Variants in ERCC3 observed in about 807,000 individuals in gnomAD.
ERCC3 encodes the protein general transcription and DNA repair factor IIH helicase/translocase subunit XPB.
Under a neutral mutation model 94.2 loss-of-function variants are expected in ERCC3, and 66 were observed. The ratio of observed to expected loss-of-function variants is 0.70; its 90% confidence interval spans 0.57 to 0.86. The LOEUF (loss-of-function observed/expected upper bound fraction) is 0.86. Ranked by LOEUF, ERCC3 falls within the 40% of genes least tolerant of loss-of-function variation. The pLI, the probability that ERCC3 is intolerant of heterozygous loss-of-function variation, is 0.00. For synonymous variants in ERCC3, 349 were observed against 369.1 expected (o/e 0.95, Z 0.63); for missense variants, 829 against 987.1 (o/e 0.84, Z 2.15).
rs775263112 is a variant in ERCC3, at chr2:127,290,227, T to C, written c.518A>G (p.Asn173Ser). 2.7e-5 allele frequency: 43 copies of C among 1,613,566 alleles called. No individual in the cohort carries two copies. The highest frequency in any genetic ancestry group is 2.2e-5 in the East Asian group (1 of 44,890). ...GGCCTGTCATGGAATCTCTTACCTG[T>C]TGTGCTTCAAGACCAGCTTGACTTT... ...YGKVKLVLKH[N>S]RYFVESCHPD... Residue 173 changes from asparagine (N) to serine (S), a missense_variant, in exon 4 of 15, where the codon AAC becomes AGC. Asn to Ser is a conservative substitution (Grantham distance 46). Coordinates refer to ENST00000285398, the MANE Select transcript of ERCC3 (RefSeq NM_000122.2).
intron 8 of ERCC3, 57 bp downstream of exon 8, chr2:127,286,646 A>G: frequency 1.3e-6 from 2 of 1,554,498 alleles, no homozygotes; most frequent in Non-Finnish European, 1.8e-6. Flanking sequence ...CCAACCTAAC[A>G]ACTGGAAATT....
chr2:127,284,680 C>T lies in ERCC3; in HGVS notation c.1342+2023G>A, dbSNP rs1685011202. On this transcript the variant is annotated intron_variant, in intron 8 of 14. Transcript: ENST00000285398. The surrounding 1 kb of genome is among the most constrained non-coding windows in gnomAD (Gnocchi z 4.1). Reference sequence around the variant, plus strand: ...ACTCCTTAATTTACCCTAATCTGTTCATCTTTATTTTTTTTTTTTGAGACA... The same window carrying T: ...ACTCCTTAATTTACCCTAATCTGTTTATCTTTATTTTTTTTTTTTGAGACA... 6.6e-6 allele frequency among the ~76,000 whole-genome samples: 1 copy of T among 150,640 alleles called. No individual in the cohort carries two copies. Among genetic ancestry groups the T allele is most frequent in the Non-Finnish European group, 1.5e-5 (1 of 67,882 alleles).
intron 10 of ERCC3, among the ~76,000 whole-genome samples, chr2:127,278,117 A>G (rs575040892): frequency 2.6e-5 from 4 of 152,074 alleles, no homozygotes; most frequent in Non-Finnish European, 5.9e-5. Flanking sequence ...GCGTGCCTGT[A>G]GACCCAGCTA....
intron 6 of ERCC3, among the ~76,000 whole-genome samples, 181 bp from the exon 7 acceptor site, chr2:127,289,045 T>C (rs1373706559): frequency 6.6e-6 from 1 of 152,092 alleles, no homozygotes; most frequent in East Asian, 1.9e-4. Context: ...TAACAACACT[T>C]TGAAAATGAA....
Position 127,291,413 on chromosome 2 carries a change from C to A in ERCC3, c.472-1140G>T, listed in dbSNP as rs1363345582. 6.6e-6 allele frequency among the ~76,000 whole-genome samples: 1 copy of A among 152,144 alleles called. No homozygotes were observed. Among genetic ancestry groups the A allele is most frequent in the African/African-American group, 2.4e-5 (1 of 41,440 alleles). On this transcript the variant is annotated intron_variant, in intron 3 of 14. Coordinates refer to ENST00000285398, the MANE Select transcript of ERCC3 (RefSeq NM_000122.2). The surrounding 1 kb of genome is among the most constrained non-coding windows in gnomAD (Gnocchi z 4.9). The stretch of plus-strand genomic sequence containing the variant: ...TAGCTGGGATTACAGGCACCCACCA[C>A]CATGCCTGGCGAATTTTTGTATTTT...
chr2:127,257,500 GA>G lies in ERCC3; in HGVS notation c.*95del. On this transcript the variant is annotated 3_prime_UTR_variant, in exon 15 of 15. Transcript: ENST00000285398. This position sits in a 1 kb window ranked among gnomAD's most constrained non-coding sequence, Gnocchi z 5.4. ...AGCACAATTTGGCCAACGCTGGAGGGAAGGTCAAAGAGGTGGAAGGAAAATG... is the reference window on the plus strand; with the variant it reads ...AGCACAATTTGGCCAACGCTGGAGGGAGGTCAAAGAGGTGGAAGGAAAATG... 6.6e-7 allele frequency: 1 copy of G among 1,518,344 alleles called. No individual in the cohort carries two copies. Among genetic ancestry groups the G allele is most frequent in the Non-Finnish European group, 9.1e-7 (1 of 1,095,126 alleles). The allele number at this position is 1,518,344 out of a possible 1,614,324, so 94.1% of individuals were successfully genotyped here.
chr2:127,269,417 C>CTTTT (rs70985445), intron 12 of ERCC3, among the ~76,000 whole-genome samples: 6 of 113,552 alleles, frequency 5.3e-5, no homozygotes, highest in African/African-American at 1.7e-4. Flanking sequence ...ATTCTATTCA[C>CTTTT]TTTTTTTTTT....
chr2:127,287,564 G>A (rs1411236640), intron 7 of ERCC3, among the ~76,000 whole-genome samples: 1 of 152,128 alleles, frequency 6.6e-6, no homozygotes, highest in Non-Finnish European at 1.5e-5. Flanking sequence ...AACCCAGTAG[G>A]CGGAGGTTGT....
At chr2:127,276,443 T>C (rs1017325482) in intron 10 of ERCC3, among the ~76,000 whole-genome samples, 2 of 151,486 alleles carry the variant, frequency 1.3e-5, no homozygotes, top group South Asian at 2.1e-4. Context: ...AAAAGAGACA[T>C]GGCAGGAAAC....
chr2:127,290,744 C>A (rs1001074145), intron 3 of ERCC3: 4 of 256,348 alleles, frequency 1.6e-5, no homozygotes, highest in African/African-American at 6.8e-5. Flanking sequence ...TTCCCAACCA[C>A]CTTTAGGAAG....
rs9282676 is a variant in ERCC3 at position 127,275,636 on chromosome 2, T to C, written c.1731-2675A>G. ...GAGGCTCCAGAAGACTGGAGGAGCA[T>C]TGCTGTGGGAGGAAGGATGGGGAGA... On this transcript the variant is annotated intron_variant, in intron 10 of 14. Coordinates refer to ENST00000285398, the MANE Select transcript of ERCC3 (RefSeq NM_000122.2). Among the ~76,000 whole-genome samples, 283 of 152,184 alleles carry C rather than the reference T, an allele frequency of 1.9e-3. 2 individuals are homozygous for C. The highest frequency in any genetic ancestry group is 6.6e-3 in the African/African-American group (274 of 41,530).
Position 127,293,552 on chromosome 2 carries a change from C to T in ERCC3, c.195G>A (p.Met65Ile). 1 of 1,614,214 alleles carries T rather than the reference C, an allele frequency of 6.2e-7. No individual in the cohort carries two copies. Among genetic ancestry groups the T allele is most frequent in the Non-Finnish European group, 8.5e-7 (1 of 1,180,028 alleles). The change falls in exon 2 of 15, where the codon ATG becomes ATA. Residue 65 changes from methionine (M) to isoleucine (I), a missense_variant. Physicochemically the swap from Met to Ile is conservative, Grantham distance 10. Coordinates refer to ENST00000285398, the MANE Select transcript of ERCC3 (RefSeq NM_000122.2). ...TGGAGGTGTGGTCGTCCTTCAGCGG[C>T]ATTTGCAGCCTGTAGTCCTTGGCTC... is the stretch of plus-strand genomic sequence containing the variant. ...EYGAKDYRLQ[M>I]PLKDDHTSRP...
intron 3 of ERCC3, 125 bp from the exon 4 acceptor site, chr2:127,290,398 G>T: frequency 1.2e-6 from 1 of 828,104 alleles, no homozygotes; most frequent in Admixed American, 1.9e-5. Flanking sequence ...AACCCAACTT[G>T]CAATCCTAAA....
chr2:127,269,962 A>C (rs1159992968), intron 12 of ERCC3, among the ~76,000 whole-genome samples: 1 of 152,132 alleles, frequency 6.6e-6, no homozygotes, highest in Non-Finnish European at 1.5e-5. Flanking sequence ...TGGAGGTTGC[A>C]GTGAGCCGAG....
chr2:127,290,678 C>T (rs1685239931), intron 3 of ERCC3: 1 of 298,080 alleles, frequency 3.4e-6, no homozygotes, highest in Non-Finnish European at 6.5e-6. Flanking sequence ...CTCCTATTTC[C>T]CCAAATAGAA....
At chr2:127,266,276 C>T (rs753550971) in intron 12 of ERCC3, among the ~76,000 whole-genome samples, 1 of 147,910 alleles carries the variant, frequency 6.8e-6, no homozygotes, top group Non-Finnish European at 1.5e-5. Flanking sequence ...TACTTTTATT[C>T]CACTGTGACC....
chr2:127,273,005 A>G, intron 10 of ERCC3, 44 bp from the exon 11 acceptor site: 8 of 1,221,882 alleles, frequency 6.5e-6, no homozygotes, highest in Non-Finnish European at 9.7e-6. Flanking sequence ...ATAATGCCTC[A>G]GTTATCTTGA....
At chr2:127,293,325 C>G (rs957362420) in intron 2 of ERCC3, among the ~76,000 whole-genome samples, 188 bp downstream of exon 2, 6 of 152,166 alleles carry the variant, frequency 3.9e-5, no homozygotes, top group African/African-American at 1.4e-4. Flanking sequence ...AGCCCAGGTC[C>G]GGCCGCCACA....
chr2:127,263,828 C>T (rs150570931), intron 12 of ERCC3, among the ~76,000 whole-genome samples: 11,329 of 151,950 alleles, frequency 0.075, 615 homozygotes, highest in African/African-American at 0.15. Context: ...CTGCTTCAGC[C>T]TCCCAAGTAG....
Sources: gnomAD v4.1 joint callset for allele counts (sites outside exome capture counted in the v4.1 genomes callset) on GRCh38, gnomAD v4.1.1 for gene constraint, Gnocchi (gnomAD v3.1) non-coding constraint, MANE v1.5 for transcripts, NCBI Gene and HGNC (gene_info 2026-07-23, HGNC 2026-07-21) for gene names.